RANBP3L: variants seen among roughly 807,000 people sequenced by gnomAD.
RANBP3L encodes the protein RAN binding protein 3 like.
In RANBP3L, 56 loss-of-function variants were observed where a neutral mutation model predicts 67.2. The ratio of observed to expected loss-of-function variants is 0.83; its 90% CI spans 0.67 to 1.04. The LOEUF is 1.04. Ranked by LOEUF, RANBP3L falls within the 50% of genes least tolerant of loss-of-function variation. The probability of loss-of-function intolerance (pLI) is 0.00; values close to 1 mark genes in which losing one functional copy is unlikely to be tolerated. For missense variants in RANBP3L, 496 were observed against 535.5 expected (o/e 0.93, Z 0.73); for synonymous variants, 164 against 181.4 (o/e 0.90, Z 0.77).
chr5:36,248,242 A>C lies in RANBP3L; in HGVS notation c.*1412T>G, dbSNP rs1748390819. ...TTCTGAGTCATTGACTCCTTTATTT[A>C]GAAGTAAAGGATATTATGTGCCATA... On this transcript the variant is annotated 3_prime_UTR_variant, in exon 14 of 14. Transcript: ENST00000296604. Among the ~76,000 whole-genome samples the C allele has an allele frequency of 6.6e-6, 1 of 151,852 alleles. No individual in the cohort carries two copies. Among genetic ancestry groups the C allele is most frequent in the Middle Eastern group, 3.2e-3 (1 of 316 alleles).
At chr5:36,266,101 TTAAA>T (rs1040539660) in intron 4 of RANBP3L, among the ~76,000 whole-genome samples, 5 of 152,124 alleles carry the variant, frequency 3.3e-5, no homozygotes, top group African/African-American at 9.7e-5. Context: ...TTTTGAATCT[TTAAA>T]TAGTGCACTG....
intron 12 of RANBP3L, among the ~76,000 whole-genome samples, chr5:36,252,610 G>T (rs1748674435): frequency 6.6e-6 from 1 of 152,034 alleles, no homozygotes; most frequent in African/African-American, 2.4e-5. Context: ...ACACACAGTT[G>T]TATGTGTATA....
chr5:36,292,651 A>G (rs1005766808), intron 1 of RANBP3L, among the ~76,000 whole-genome samples: 4 of 151,910 alleles, frequency 2.6e-5, no homozygotes, highest in African/African-American at 9.7e-5. Flanking sequence ...CATTTATTAA[A>G]TAGGGAATCC....
chr5:36,249,989 G>A (rs1389062216), intron 13 of RANBP3L, among the ~76,000 whole-genome samples: 1 of 151,792 alleles, frequency 6.6e-6, no homozygotes, highest in Non-Finnish European at 1.5e-5. Context: ...AAGTGAAAAT[G>A]GGAAAAAATG....
At chr5:36,262,117 G>A (rs1749441852) in intron 6 of RANBP3L, 75 bp from the exon 7 acceptor site, 1 of 735,474 alleles carries the variant, frequency 1.4e-6, no homozygotes, top group Non-Finnish European at 2.3e-6. Flanking sequence ...GGAAACAATA[G>A]TTATAGTTAA....
At chr5:36,268,135 A>G (rs1053350660) in intron 4 of RANBP3L, 1 of 1,137,590 alleles carries the variant, frequency 8.8e-7, no homozygotes, top group South Asian at 1.6e-5. Context: ...GTCATCATTA[A>G]TAAGAATGAT....
chr5:36,260,998 GA>G, intron 7 of RANBP3L, 134 bp from the exon 8 acceptor site: 1 of 575,584 alleles, frequency 1.7e-6, no homozygotes, highest in African/African-American at 1.9e-5. Flanking sequence ...TGAATTTAAT[GA>G]AAAATGAAGG....
chr5:36,299,928 A>T (rs1054580112), intron 1 of RANBP3L, among the ~76,000 whole-genome samples: 5 of 152,198 alleles, frequency 3.3e-5, no homozygotes, highest in African/African-American at 1.2e-4. Context: ...AAGCAAAGGA[A>T]TAATCCATAC....
intron 1 of RANBP3L, among the ~76,000 whole-genome samples, chr5:36,275,433 T>C (rs1270763350): frequency 1.3e-5 from 2 of 152,198 alleles, no homozygotes; most frequent in African/African-American, 4.8e-5. Flanking sequence ...TATTATCCTA[T>C]ATGGCTCTAC....
At chr5:36,294,738 A>G (rs149817856) in intron 1 of RANBP3L, among the ~76,000 whole-genome samples, 49 of 149,172 alleles carry the variant, frequency 3.3e-4, no homozygotes, top group African/African-American at 1.2e-3. Context: ...ATTTGGTTTT[A>G]TATATATATA....
chr5:36,273,655 G>A (rs1030904209), intron 1 of RANBP3L, among the ~76,000 whole-genome samples: 1 of 151,994 alleles, frequency 6.6e-6, no homozygotes, highest in Non-Finnish European at 1.5e-5. Flanking sequence ...CAAGCCATTG[G>A]GTCTACAGCA....
At chr5:36,297,011 C>T (rs1752263610) in intron 1 of RANBP3L, among the ~76,000 whole-genome samples, 1 of 152,090 alleles carries the variant, frequency 6.6e-6, no homozygotes, top group African/African-American at 2.4e-5. Flanking sequence ...CTCTCTCACC[C>T]TCTCTCTTCT....
chr5:36,292,154 T>C (rs1419592487), intron 1 of RANBP3L, among the ~76,000 whole-genome samples: 1 of 152,190 alleles, frequency 6.6e-6, no homozygotes, highest in Non-Finnish European at 1.5e-5. Flanking sequence ...TGGCCAGTGA[T>C]GGTGAGCATT....
chr5:36,292,656 G>A (rs1751880889), intron 1 of RANBP3L, among the ~76,000 whole-genome samples: 1 of 151,596 alleles, frequency 6.6e-6, no homozygotes, highest in Admixed American at 6.6e-5. Context: ...ATTAAATAGG[G>A]AATCCTTTCC....
rs1466314132 is a variant in RANBP3L at position 36,256,950 on chromosome 5, A to G, written c.894T>C (p.Asn298=). ...AACATGATATACAGACCTTTAACAC[A>G]TTATGTTCTGTTTCCTCCCCTGTTA... ...DVITGEETEH[N]VLKINCKLFI... Residue 298 remains asparagine, a synonymous_variant, in exon 10 of 14, where the codon AAT becomes AAC. Coordinates refer to ENST00000296604, the MANE Select transcript of RANBP3L (RefSeq NM_145000.5). The G allele has an allele frequency of 9.9e-6, 16 of 1,612,792 alleles. No individual in the cohort carries two copies. The highest frequency in any genetic ancestry group is 1.4e-5 in the Non-Finnish European group (16 of 1,179,186).
chr5:36,253,552 A>G, intron 12 of RANBP3L, 95 bp downstream of exon 12: 2 of 997,440 alleles, frequency 2.0e-6, no homozygotes, highest in Non-Finnish European at 3.0e-6. Context: ...TGCCAATGGT[A>G]CAGATTATTA....
intron 4 of RANBP3L, among the ~76,000 whole-genome samples, chr5:36,267,514 A>G (rs907371188): frequency 2.0e-5 from 3 of 149,422 alleles, no homozygotes; most frequent in Admixed American, 6.6e-5. Context: ...TCTCAAAAAA[A>G]AAAAAAAGAA....
At chr5:36,270,942 A>T (rs1750163644) in intron 2 of RANBP3L, among the ~76,000 whole-genome samples, 1 of 152,226 alleles carries the variant, frequency 6.6e-6, no homozygotes, top group African/African-American at 2.4e-5. Context: ...GTCAGTGGTG[A>T]GGACTCATAT....
intron 1 of RANBP3L, among the ~76,000 whole-genome samples, chr5:36,292,424 T>C (rs1751861196): frequency 6.6e-6 from 1 of 152,172 alleles, no homozygotes; most frequent in African/African-American, 2.4e-5. Context: ...ATTTGTCAAT[T>C]TTGGCTTTTG....
Sources: allele counts gnomAD v4.1 joint callset (sites outside exome capture counted in the v4.1 genomes callset), GRCh38; gene constraint gnomAD v4.1.1; transcripts MANE v1.5; gene names NCBI Gene and HGNC (gene_info 2026-07-23, HGNC 2026-07-21).